The following C4orf50 variants were observed in gnomAD, a reference collection of about 807,000 sequenced individuals.
The protein encoded by C4orf50 is uncharacterized protein C4orf50.
Under a neutral mutation model 77.2 loss-of-function variants are expected in C4orf50, and 80 were observed. That is an observed-to-expected ratio of 1.04 (90% CI 0.87 to 1.25). The LOEUF (loss-of-function observed/expected upper bound fraction) is 1.25. Ranked by LOEUF, C4orf50 falls within the 50% of genes most tolerant of loss-of-function variation. The pLI, the probability that C4orf50 is intolerant of heterozygous loss-of-function variation, is 0.00. For synonymous variants in C4orf50, 532 were observed against 465.3 expected, an observed-to-expected ratio of 1.14 and a Z score of -1.84; for missense variants, 1,257 against 1,152.9, an observed-to-expected ratio of 1.09 and a Z score of -1.31.
At position 5,902,795 on chromosome 4, in the gene C4orf50, A is replaced by G. The variant is rs1198383837; in HGVS notation, c.*2475-4607T>C. 12 of 152,256 alleles carry G rather than the reference A, an allele frequency of 7.9e-5. No individual in the cohort carries two copies. In the East Asian group the frequency reaches 2.1e-3, roughly 27 times the overall value. 9.4% of individuals were successfully genotyped at this position (152,256 alleles called of 1,614,324 possible). On this transcript the variant is annotated intron_variant, in intron 7 of 7. Coordinates refer to the C4orf50 transcript ENST00000324058. ...CTTCACAATACTTCACGAGGCTGCA[A>G]TAGAAGGTTCCATTTCTCCCATTTT...
intron 7 of C4orf50, among the ~76,000 whole-genome samples, chr4:5,909,969 A>G (rs1213313046): frequency 6.6e-6 from 1 of 152,010 alleles, no homozygotes; most frequent in African/African-American, 2.4e-5. Context: ...CCCCCTCAGG[A>G]TTGTGTTAGC....
At chr4:5,954,317 C>T (rs115912610), downstream of C4orf50, among the ~76,000 whole-genome samples, 5,780 of 152,152 alleles carry the variant, frequency 0.038, 310 homozygotes, top group African/African-American at 0.12. This position sits in a 1 kb window ranked among gnomAD's most constrained non-coding sequence, Gnocchi z 4.7. Context: ...CGGGGCTGGG[C>T]ATGGGGAAGC....
exon 8 of C4orf50, chr4:5,897,829 G>C (rs374029621): frequency 6.6e-6 from 1 of 152,188 alleles, no homozygotes; most frequent in African/African-American, 2.4e-5. Context: ...TTTCACTGCA[G>C]GCAGGCCCCG....
At chr4:5,994,144 A>ACC (rs1721446131) in intron 26 of C4orf50, among the ~76,000 whole-genome samples, 1 of 152,108 alleles carries the variant, frequency 6.6e-6, no homozygotes, top group Admixed American at 6.5e-5. Context: ...CCCTGGTGGG[A>ACC]GTTGCATACT....
At chr4:5,973,594 G>A (rs1333323361) in intron 31 of C4orf50, 65 bp downstream of exon 9, 3 of 1,327,786 alleles carry the variant, frequency 2.3e-6, no homozygotes, top group African/African-American at 1.5e-5. Flanking sequence ...GTCAGGCAGG[G>A]GCATGCAAGG....
At chr4:5,972,993 G>C (rs1371863341) in intron 31 of C4orf50, among the ~76,000 whole-genome samples, 1 of 152,228 alleles carries the variant, frequency 6.6e-6, no homozygotes, top group Non-Finnish European at 1.5e-5. Flanking sequence ...TGGGAGAGGA[G>C]ATTCTCATTC....
intron 7 of C4orf50, among the ~76,000 whole-genome samples, chr4:5,944,162 C>T (rs1351779886): frequency 6.6e-6 from 1 of 152,186 alleles, no homozygotes; most frequent in Non-Finnish European, 1.5e-5. Flanking sequence ...CCTCCTGGTT[C>T]CTCCCTCCCC....
At chr4:6,005,821 T>C (rs1722228183) in intron 25 of C4orf50, among the ~76,000 whole-genome samples, 1 of 152,058 alleles carries the variant, frequency 6.6e-6, no homozygotes, top group Non-Finnish European at 1.5e-5. Context: ...AGTGCGACTG[T>C]ACACAGCAGC....
chr4:5,914,595 T>A (rs115177052), intron 7 of C4orf50, among the ~76,000 whole-genome samples: 4,623 of 152,298 alleles, frequency 0.03, 222 homozygotes, highest in African/African-American at 0.1. Context: ...ATTATCACGG[T>A]TTGAATTTTT....
At chr4:5,949,483 C>G (rs1017301695) in intron 7 of C4orf50, among the ~76,000 whole-genome samples, 8 of 152,128 alleles carry the variant, frequency 5.3e-5, no homozygotes, top group African/African-American at 1.9e-4. Flanking sequence ...GATCAGGTCC[C>G]TAGAGTAGCC....
chr4:5,989,998 G>C, exon 28 of C4orf50: 1 of 1,402,196 alleles, frequency 7.1e-7, no homozygotes, highest in Non-Finnish European at 9.2e-7. Flanking sequence ...ACTGTCTGTT[G>C]GCCATGGCTC....
chr4:5,910,960 C>T (rs1381995522), intron 7 of C4orf50, among the ~76,000 whole-genome samples: 5 of 126,526 alleles, frequency 4.0e-5, no homozygotes, highest in Non-Finnish European at 6.2e-5. Flanking sequence ...GGCTGGAGTG[C>T]GGTGGTGTGA....
chr4:5,933,292 C>T (rs935591949), intron 7 of C4orf50, among the ~76,000 whole-genome samples: 2 of 152,224 alleles, frequency 1.3e-5, no homozygotes, highest in Non-Finnish European at 2.9e-5. Context: ...ACTACCACCC[C>T]ACTTAGAAAC....
At chr4:5,918,243 A>T (rs543202670) in intron 7 of C4orf50, among the ~76,000 whole-genome samples, 5 of 152,350 alleles carry the variant, frequency 3.3e-5, no homozygotes, top group Admixed American at 1.3e-4. Flanking sequence ...AACGTCAGCC[A>T]GTTCAAATCC....
Position 6,015,705 on chromosome 4 carries a change from T to C in C4orf50, c.287+2440A>G, listed in dbSNP as rs945982448. Among the ~76,000 whole-genome samples the C allele has an allele frequency of 1.3e-5, 2 of 152,032 alleles. No individual in the cohort carries two copies. The highest frequency in any genetic ancestry group is 2.9e-5 in the Non-Finnish European group (2 of 68,010). ...TCGAGCTGTCAGTGGAGCCAAGCCCTCTCCGAGGCTGAAGGGGAAATCCAA... is the reference window on the plus strand; with the variant it reads ...TCGAGCTGTCAGTGGAGCCAAGCCCCCTCCGAGGCTGAAGGGGAAATCCAA... On this transcript the variant is annotated intron_variant, in intron 23 of 33. Transcript: ENST00000531445. The surrounding 1 kb of genome is among the most constrained non-coding windows in gnomAD (Gnocchi z 4.4).
chr4:6,003,299 G>T (rs145380617), intron 25 of C4orf50, among the ~76,000 whole-genome samples: 219 of 152,288 alleles, frequency 1.4e-3, no homozygotes, highest in Non-Finnish European at 2.6e-3. Flanking sequence ...TCCAGTCCAG[G>T]ATAAGCCCTC....
chr4:5,999,220 C>T (rs1196471574), intron 25 of C4orf50, among the ~76,000 whole-genome samples: 7 of 152,198 alleles, frequency 4.6e-5, no homozygotes, highest in Non-Finnish European at 8.8e-5. Context: ...GCACATCAGA[C>T]ATAGCCAAGG....
rs989686895 is a variant in C4orf50, at chr4:5,900,294, T to C, written c.*2475-2106A>G. On this transcript the variant is annotated intron_variant, in intron 7 of 7. Transcript: ENST00000324058. This position sits in a 1 kb window ranked among gnomAD's most constrained non-coding sequence, Gnocchi z 4.3. ...TTGCGTTCCCTGTTCTCTCCAATGATGGGTAACTAAACTCATATAATAATC... is the reference window on the plus strand; with the variant it reads ...TTGCGTTCCCTGTTCTCTCCAATGACGGGTAACTAAACTCATATAATAATC... 1.3e-5 allele frequency: 2 copies of C among 152,032 alleles called. No homozygotes were observed. The highest frequency in any genetic ancestry group is 2.4e-5 in the African/African-American group (1 of 41,392). 9.4% of individuals were successfully genotyped at this position (152,032 alleles called of 1,614,324 possible). A position where few individuals can be genotyped will look rare whatever the true frequency, so the allele number is the denominator to read the frequency against.
rs1240995999 is a variant in C4orf50, at chr4:5,980,172, A to T, written c.3864+2T>A. On this transcript the variant is annotated splice_donor_variant, in intron 29 of 33. Transcript: ENST00000531445. LOFTEE classifies it high-confidence loss of function. ...AGAGGGGAAAGAAAGCACTTCCCAC[A>T]CCTTGGCCTGGAGCTCCTCCTGGAG... 1 of 1,588,600 alleles carries T rather than the reference A, an allele frequency of 6.3e-7. No homozygotes were observed. Among genetic ancestry groups the T allele is most frequent in the Non-Finnish European group, 8.6e-7 (1 of 1,168,910 alleles).
Sources: allele counts gnomAD v4.1 joint callset (sites outside exome capture counted in the v4.1 genomes callset), GRCh38; gene constraint gnomAD v4.1.1; non-coding constraint Gnocchi (gnomAD v3.1); transcripts MANE v1.5; gene names NCBI Gene and HGNC (gene_info 2026-07-23, HGNC 2026-07-21).